The following DPH6 variants were observed in gnomAD, a reference collection of about 807,000 sequenced individuals.
DPH6 encodes diphthamine biosynthesis 6.
Under a neutral mutation model 38.2 loss-of-function variants are expected in DPH6, and 33 were observed. The observed-to-expected ratio is 0.86, with a 90% CI of 0.65 to 1.15. DPH6 has a LOEUF of 1.15. Among genes scored for constraint, DPH6 ranks in the 50% most tolerant of loss-of-function variants. The pLI is 0.00. For missense variants in DPH6, 325 were observed against 320.0 expected, an observed-to-expected ratio of 1.02 and a Z score of -0.12; for synonymous variants, 108 against 103.0, an observed-to-expected ratio of 1.05 and a Z score of -0.30.
At chr15:35,298,146 A>C (rs1001863933) in intron 3 of DPH6, 1 of 381,116 alleles carries the variant, frequency 2.6e-6, no homozygotes, top group African/African-American at 2.1e-5. Flanking sequence ...CAAGAGTCTC[A>C]GTATGCAACA....
intron 3 of DPH6, among the ~76,000 whole-genome samples, chr15:35,511,397 T>C (rs889264432): frequency 1.3e-5 from 2 of 152,110 alleles, no homozygotes; most frequent in African/African-American, 4.8e-5. Context: ...GAAAATTCAT[T>C]TACATGTGTA....
chr15:35,209,659 T>C, the DPH6 span, among the ~76,000 whole-genome samples: 1 of 152,232 alleles, frequency 6.6e-6, no homozygotes, highest in African/African-American at 2.4e-5. Context: ...TTCTAAAAAC[T>C]TTAAGCTTCT....
chr15:35,384,824 T>C (rs1248926068), intron 6 of DPH6, among the ~76,000 whole-genome samples: 1 of 151,628 alleles, frequency 6.6e-6, no homozygotes, highest in Non-Finnish European at 1.5e-5. Flanking sequence ...ATCATCAGAG[T>C]GAACAGGCAA....
chr15:35,428,488 G>C (rs2053595275), intron 5 of DPH6, among the ~76,000 whole-genome samples: 1 of 152,054 alleles, frequency 6.6e-6, no homozygotes, highest in Non-Finnish European at 1.5e-5. Context: ...TTCTGTCAAA[G>C]AAGCAGTATT....
chr15:35,399,681 C>G (rs2053192117), intron 6 of DPH6, among the ~76,000 whole-genome samples: 1 of 152,162 alleles, frequency 6.6e-6, no homozygotes, highest in Non-Finnish European at 1.5e-5. Context: ...AGTCAGGAAT[C>G]AGAATGGCTT....
At chr15:35,544,552 A>G (rs1355513665) in intron 1 of DPH6, among the ~76,000 whole-genome samples, 1 of 152,180 alleles carries the variant, frequency 6.6e-6, no homozygotes, top group Non-Finnish European at 1.5e-5. Context: ...GATATGTAAG[A>G]ATCCCAGTTT....
chr15:35,513,821 A>AAT lies in DPH6; in HGVS notation c.312+24451_312+24452dup, dbSNP rs547536738. Among the ~76,000 whole-genome samples, 233 of 151,948 alleles carry AAT rather than the reference A, an allele frequency of 1.5e-3. 1 individual carries two copies. The highest frequency in any genetic ancestry group is 5.2e-3 in the African/African-American group (214 of 41,534). On this transcript the variant is annotated intron_variant, in intron 3 of 8. Coordinates refer to ENST00000256538, the MANE Select transcript of DPH6 (RefSeq NM_080650.4). ...CAGATAATGAACATTATAACACTCG[A>AAT]ATATATATATAATTGACAAGCTAAA...
At position 35,296,841 on chromosome 15, in the gene DPH6, A is replaced by G. The variant is rs1422485240; in HGVS notation, n.201-76259T>C. Reference sequence around the variant, plus strand: ...GAGACGGAGTCTCGCTCTGTCGCCCAGGCCGGACTGCGGACTGCAGTGGCG... The same window carrying G: ...GAGACGGAGTCTCGCTCTGTCGCCCGGGCCGGACTGCGGACTGCAGTGGCG... On this transcript the variant is annotated intron_variant and non_coding_transcript_variant, in intron 3 of 3. Transcript: ENST00000560386. Among the ~76,000 whole-genome samples, 4 of 107,816 alleles carry G rather than the reference A, an allele frequency of 3.7e-5. No homozygotes were observed. The Admixed American group carries it at 4.4e-4, about 12-fold the overall frequency. The allele number at this position is 107,816 out of a possible 152,430, so 70.7% of individuals were successfully genotyped here.
chr15:35,342,590 C>T (rs1457728143), intron 3 of DPH6, among the ~76,000 whole-genome samples: 1 of 152,234 alleles, frequency 6.6e-6, no homozygotes, highest in East Asian at 1.9e-4. Flanking sequence ...GTGCCATGGA[C>T]TGCAGCTGCT....
intron 3 of DPH6, among the ~76,000 whole-genome samples, chr15:35,324,222 T>C (rs953184657): frequency 6.6e-6 from 1 of 152,170 alleles, no homozygotes; most frequent in East Asian, 1.9e-4. Flanking sequence ...TCACCCTTTA[T>C]ATTAGGGGAC....
chr15:35,477,777 C>A (rs2054279772), intron 3 of DPH6, among the ~76,000 whole-genome samples: 1 of 151,828 alleles, frequency 6.6e-6, no homozygotes, highest in South Asian at 2.1e-4. Flanking sequence ...TCTTATCCAG[C>A]CATCGTAGGG....
the DPH6 span, among the ~76,000 whole-genome samples, chr15:35,210,106 C>T: frequency 0.026 from 3,970 of 152,034 alleles, 152 homozygotes; most frequent in African/African-American, 0.091. Flanking sequence ...TGTTTGTATT[C>T]CACCACGAAC....
At chr15:35,446,393 G>A (rs565242221) in intron 5 of DPH6, among the ~76,000 whole-genome samples, 3 of 151,210 alleles carry the variant, frequency 2.0e-5, no homozygotes, top group East Asian at 3.9e-4. Flanking sequence ...ACCATGCCCA[G>A]CTAATTTTTA....
At chr15:35,355,865 A>T (rs540751613) in intron 3 of DPH6, among the ~76,000 whole-genome samples, 280 of 152,314 alleles carry the variant, frequency 1.8e-3, no homozygotes, top group African/African-American at 6.5e-3. Context: ...CCTGGATAAT[A>T]TCCTGCAGAG....
At chr15:35,375,810 T>C (rs978963559) in intron 7 of DPH6, among the ~76,000 whole-genome samples, 2 of 151,978 alleles carry the variant, frequency 1.3e-5, no homozygotes, top group East Asian at 1.9e-4. Context: ...GGTCAGGCTC[T>C]ACCTCTCACC....
chr15:35,291,121 A>C (rs991720571), intron 3 of DPH6, among the ~76,000 whole-genome samples: 2 of 152,128 alleles, frequency 1.3e-5, no homozygotes, highest in Non-Finnish European at 2.9e-5. Context: ...TTAAAATAAA[A>C]ACCTACATGC....
chr15:35,523,240 C>CT lies in DPH6; in HGVS notation c.312+15033dup, dbSNP rs35551024. Among the ~76,000 whole-genome samples the CT allele has an allele frequency of 4.5e-3, 454 of 100,062 alleles. 3 individuals carry two copies. Among genetic ancestry groups the CT allele is most frequent in the East Asian group, 0.041 (140 of 3,386 alleles). The allele number at this position is 100,062 out of a possible 152,430, so 65.6% of individuals were successfully genotyped here. A position where few individuals can be genotyped will look rare whatever the true frequency, so the allele number is the denominator to read the frequency against. On this transcript the variant is annotated intron_variant, in intron 3 of 8. Coordinates refer to ENST00000256538, the MANE Select transcript of DPH6 (RefSeq NM_080650.4). ...TTTTGAGTTAGTGAAGTTACACATT[C>CT]TTTTTTTTTTTTTTTTTTTGGTCAT...
intron 3 of DPH6, among the ~76,000 whole-genome samples, chr15:35,338,888 T>C (rs1359250753): frequency 6.6e-6 from 1 of 152,176 alleles, no homozygotes; most frequent in East Asian, 1.9e-4. Flanking sequence ...TGTAGGGACA[T>C]GGATGAAATT....
At chr15:35,521,649 C>T (rs1416562841) in intron 3 of DPH6, 23 of 1,230,262 alleles carry the variant, frequency 1.9e-5, no homozygotes, top group Non-Finnish European at 2.2e-5. Flanking sequence ...TTTTAATATG[C>T]AGGATATTTA....
Sources: gnomAD v4.1 joint callset for allele counts (sites outside exome capture counted in the v4.1 genomes callset) on GRCh38, gnomAD v4.1.1 for gene constraint, MANE v1.5 for transcripts, NCBI Gene and HGNC (gene_info 2026-07-23, HGNC 2026-07-21) for gene names.